Variants in ANKH observed in about 807,000 individuals in gnomAD.
ANKH encodes the protein mineralization regulator ANKH.
ANKH carries 15 observed loss-of-function variants against 49.0 expected under a neutral mutation model. The ratio of observed to expected loss-of-function variants is 0.31; its 90% CI spans 0.20 to 0.47. ANKH has a LOEUF of 0.47. Among genes scored for constraint, ANKH ranks in the 20% least tolerant of loss-of-function variants. The pLI, the probability that ANKH is intolerant of heterozygous loss-of-function variation, is 1.00. For synonymous variants in ANKH, 273 were observed against 260.0 expected, an observed-to-expected ratio of 1.05 and a Z score of -0.48; for missense variants, 429 against 652.0, an observed-to-expected ratio of 0.66 and a Z score of 3.72.
intron 8 of ANKH, among the ~76,000 whole-genome samples, chr5:14,722,340 A>G (rs904026316): frequency 5.3e-5 from 8 of 152,186 alleles, no homozygotes; most frequent in Non-Finnish European, 8.8e-5. Flanking sequence ...TGCTGTCAAT[A>G]TTCTGTCAGG....
intron 8 of ANKH, among the ~76,000 whole-genome samples, chr5:14,728,160 T>C (rs954207000): frequency 6.6e-6 from 1 of 152,252 alleles, no homozygotes; most frequent in Non-Finnish European, 1.5e-5. Context: ...TCACTCACTA[T>C]GCGCCAACAG....
At chr5:14,819,708 A>G (rs1741141339) in intron 1 of ANKH, among the ~76,000 whole-genome samples, 1 of 152,156 alleles carries the variant, frequency 6.6e-6, no homozygotes, top group Admixed American at 6.5e-5. Context: ...TCTACCAAAA[A>G]TTCAAAAATT....
At chr5:14,804,213 G>A (rs976893303) in intron 1 of ANKH, among the ~76,000 whole-genome samples, 7 of 152,148 alleles carry the variant, frequency 4.6e-5, no homozygotes, top group African/African-American at 1.4e-4. Context: ...CTTTTCTACA[G>A]AGACGAAGGA....
intron 8 of ANKH, among the ~76,000 whole-genome samples, chr5:14,727,493 G>T (rs1185600576): frequency 6.6e-6 from 1 of 150,864 alleles, no homozygotes; most frequent in East Asian, 1.9e-4. Flanking sequence ...GTAATGCCGC[G>T]TTGGTGGAAA....
chr5:14,866,138 C>A (rs1158005919), intron 1 of ANKH, among the ~76,000 whole-genome samples: 1 of 152,222 alleles, frequency 6.6e-6, no homozygotes, highest in Non-Finnish European at 1.5e-5. Context: ...TCCCAAGTAG[C>A]TGGGATTACA....
intron 2 of ANKH, among the ~76,000 whole-genome samples, chr5:14,763,836 C>T (rs772878270): frequency 1.5e-4 from 23 of 152,186 alleles, no homozygotes; most frequent in Non-Finnish European, 3.2e-4. Context: ...TGCCTGTAAT[C>T]CCAGCACTTT....
intron 1 of ANKH, among the ~76,000 whole-genome samples, chr5:14,845,406 A>C (rs909680138): frequency 1.3e-5 from 2 of 151,794 alleles, no homozygotes; most frequent in African/African-American, 4.8e-5. Context: ...AGAAAAAAAG[A>C]CAGTATAAAA....
chr5:14,797,213 G>A (rs1740417456), intron 1 of ANKH: 1 of 1,332,944 alleles, frequency 7.5e-7, no homozygotes, highest in Admixed American at 1.7e-5. Context: ...GCATGATATT[G>A]TCTTCCGATA....
chr5:14,717,718 G>A (rs947410450), intron 8 of ANKH, among the ~76,000 whole-genome samples: 2 of 152,212 alleles, frequency 1.3e-5, no homozygotes, highest in Non-Finnish European at 2.9e-5. Flanking sequence ...TACAGGTTGA[G>A]TAACCCTTAT....
intron 8 of ANKH, among the ~76,000 whole-genome samples, chr5:14,727,587 C>G (rs1360078948): frequency 6.6e-6 from 1 of 152,014 alleles, no homozygotes; most frequent in Non-Finnish European, 1.5e-5. Flanking sequence ...TTCTCTGCAG[C>G]TTTAATCCTT....
intron 1 of ANKH, among the ~76,000 whole-genome samples, chr5:14,868,216 T>C (rs1735708947): frequency 6.6e-6 from 1 of 152,154 alleles, no homozygotes; most frequent in South Asian, 2.1e-4. Flanking sequence ...ATCTTATACA[T>C]AGCTGGATTT....
chr5:14,835,544 A>C (rs2126603592), intron 1 of ANKH, among the ~76,000 whole-genome samples: 1 of 152,258 alleles, frequency 6.6e-6, no homozygotes, highest in Non-Finnish European at 1.5e-5. Context: ...CCCACCCAGA[A>C]ACTCTGATGC....
intron 1 of ANKH, among the ~76,000 whole-genome samples, chr5:14,815,366 G>C (rs1194475888): frequency 6.6e-6 from 1 of 152,202 alleles, no homozygotes; most frequent in African/African-American, 2.4e-5. Context: ...TCATCTGTCT[G>C]TATGCATGTG....
At chr5:14,795,977 C>T (rs1202534376) in intron 1 of ANKH, among the ~76,000 whole-genome samples, 1 of 152,010 alleles carries the variant, frequency 6.6e-6, no homozygotes, top group African/African-American at 2.4e-5. Flanking sequence ...TATTAGTGTC[C>T]TGTTTGGAGC....
chr5:14,712,300 G>GT (rs2126398938), intron 11 of ANKH, among the ~76,000 whole-genome samples: 1 of 152,304 alleles, frequency 6.6e-6, no homozygotes, highest in African/African-American at 2.4e-5. Context: ...TTGACCAACT[G>GT]TTTCCCCACC....
chr5:14,838,675 C>A (rs1468613174), intron 1 of ANKH, among the ~76,000 whole-genome samples: 2 of 152,148 alleles, frequency 1.3e-5, no homozygotes, highest in Non-Finnish European at 2.9e-5. Flanking sequence ...CTGAGGGGAG[C>A]TTTGCTTAAT....
At position 14,751,812 on chromosome 5, in the gene ANKH, T is replaced by C. The variant is rs535456478; in HGVS notation, c.517-573A>G. The stretch of plus-strand genomic sequence containing the variant: ...GTGCTTGGTGATTACTTGCTATTTA[T>C]GCCAAGGTGGCATTTCAAAGTACTT... On this transcript the variant is annotated intron_variant, in intron 4 of 11. Transcript: ENST00000284268. 5.3e-5 allele frequency among the ~76,000 whole-genome samples: 8 copies of C among 152,356 alleles called. No individual in the cohort carries two copies. The East Asian group carries it at 1.5e-3, about 29-fold the overall frequency.
chr5:14,761,609 T>C (rs1739081597), intron 2 of ANKH, among the ~76,000 whole-genome samples: 1 of 152,172 alleles, frequency 6.6e-6, no homozygotes, highest in Non-Finnish European at 1.5e-5. Context: ...AATAATGACC[T>C]TGAAGCCACT....
intron 1 of ANKH, among the ~76,000 whole-genome samples, chr5:14,783,735 A>G (rs1203081799): frequency 1.3e-5 from 2 of 152,224 alleles, no homozygotes; most frequent in Admixed American, 1.3e-4. Flanking sequence ...TGATAATGTA[A>G]TAAGCTAGAG....
Sources: allele counts gnomAD v4.1 joint callset (sites outside exome capture counted in the v4.1 genomes callset), GRCh38; gene constraint gnomAD v4.1.1; transcripts MANE v1.5; gene names NCBI Gene and HGNC (gene_info 2026-07-23, HGNC 2026-07-21).